COLEC12: variants seen among roughly 807,000 people sequenced by gnomAD.
The protein encoded by COLEC12 is collectin-12.
Under a neutral mutation model 71.1 loss-of-function variants are expected in COLEC12, and 33 were observed. That is an observed-to-expected ratio of 0.46 (90% CI 0.35 to 0.62). The LOEUF (loss-of-function observed/expected upper bound fraction) is 0.62. COLEC12 is among the 20% of genes least tolerant of loss of function. The pLI, the probability that COLEC12 is intolerant of heterozygous loss-of-function variation, is 0.00. For missense variants in COLEC12, 765 were observed against 916.1 expected, an observed-to-expected ratio of 0.84 and a Z score of 2.13; for synonymous variants, 350 against 353.0, an observed-to-expected ratio of 0.99 and a Z score of 0.10.
rs573333454 is a variant in COLEC12, at chr18:408,573, T to C, written c.59-51051A>G. Among the ~76,000 whole-genome samples, 2 of 150,244 alleles carry C rather than the reference T, an allele frequency of 1.3e-5. No homozygotes were observed. The highest frequency in any genetic ancestry group is 3.0e-5 in the Non-Finnish European group (2 of 67,684). On this transcript the variant is annotated intron_variant, in intron 2 of 9. Transcript: ENST00000400256. The surrounding 1 kb of genome is among the most constrained non-coding windows in gnomAD (Gnocchi z 4.3). The stretch of plus-strand genomic sequence containing the variant: ...CATAGCGGTCTCAAAGTTGAAATCC[T>C]CCAGGGAATTCAAGTATTACCAAAT...
chr18:434,591 C>T (rs1916367897), intron 2 of COLEC12, among the ~76,000 whole-genome samples: 1 of 152,222 alleles, frequency 6.6e-6, no homozygotes, highest in South Asian at 2.1e-4. Context: ...TCACTGTCCT[C>T]ATCAGCTCAG....
At chr18:405,791 A>G (rs111294010) in intron 2 of COLEC12, among the ~76,000 whole-genome samples, 5,274 of 152,006 alleles carry the variant, frequency 0.035, 151 homozygotes, top group African/African-American at 0.081. Flanking sequence ...GGTCATACCC[A>G]TGGGGCTTCT....
intron 5 of COLEC12, among the ~76,000 whole-genome samples, chr18:340,810 A>T (rs183049803): frequency 1.2e-3 from 187 of 152,372 alleles, no homozygotes; most frequent in Admixed American, 3.1e-3. Flanking sequence ...GGAAAAAGTC[A>T]TTGCGCTTCA....
At chr18:388,431 C>T (rs1333796397) in intron 2 of COLEC12, among the ~76,000 whole-genome samples, 1 of 152,206 alleles carries the variant, frequency 6.6e-6, no homozygotes, top group African/African-American at 2.4e-5. Flanking sequence ...ATTAACGTGG[C>T]ACCATGGTTA....
In COLEC12 at chr18:407,840, A is replaced by G. The variant is rs537878456; in HGVS notation, c.59-50318T>C. On this transcript the variant is annotated intron_variant, in intron 2 of 9. Coordinates refer to ENST00000400256, the MANE Select transcript of COLEC12 (RefSeq NM_130386.3). ...TGCAATGTATCAATCCTGGCTGCACATCAGAATCACTCAGGGACTTTAAAA... is the reference window on the plus strand; with the variant it reads ...TGCAATGTATCAATCCTGGCTGCACGTCAGAATCACTCAGGGACTTTAAAA... Among the ~76,000 whole-genome samples, 11 of 152,346 alleles carry G rather than the reference A, an allele frequency of 7.2e-5. No homozygotes were observed. In the South Asian group the frequency reaches 2.1e-3, roughly 29 times the overall value.
intron 8 of COLEC12, among the ~76,000 whole-genome samples, chr18:329,188 G>A (rs1164935530): frequency 1.3e-5 from 2 of 152,170 alleles, no homozygotes; most frequent in African/African-American, 4.8e-5. Context: ...CCAGGGAAGA[G>A]GAGAAAAATT....
intron 2 of COLEC12, among the ~76,000 whole-genome samples, chr18:425,275 C>T (rs532982982): frequency 6.6e-6 from 1 of 152,314 alleles, no homozygotes; most frequent in East Asian, 1.9e-4. Flanking sequence ...AGCCGGCCTA[C>T]TGGAAGCATC....
intron 2 of COLEC12, among the ~76,000 whole-genome samples, chr18:360,394 G>A (rs1026026663): frequency 6.6e-6 from 1 of 152,010 alleles, no homozygotes; most frequent in African/African-American, 2.4e-5. Flanking sequence ...TGTTGGCCAG[G>A]CTGGTCACAA....
chr18:353,950 T>C (rs915509233), intron 3 of COLEC12, among the ~76,000 whole-genome samples: 7 of 152,246 alleles, frequency 4.6e-5, no homozygotes, highest in Non-Finnish European at 1.0e-4. Context: ...TGTAAACTGC[T>C]ACACTGACCC....
intron 2 of COLEC12, among the ~76,000 whole-genome samples, chr18:405,290 G>A (rs1915763298): frequency 6.6e-6 from 1 of 152,126 alleles, no homozygotes; most frequent in African/African-American, 2.4e-5. Context: ...TTTGCCCTTT[G>A]TCCTGTTCCC....
chr18:427,017 G>T (rs1382437346), intron 2 of COLEC12, among the ~76,000 whole-genome samples: 1 of 152,230 alleles, frequency 6.6e-6, no homozygotes, highest in African/African-American at 2.4e-5. Context: ...CCTCTGGGAT[G>T]GCTGTGCGTG....
intron 3 of COLEC12, among the ~76,000 whole-genome samples, chr18:357,087 C>T (rs1053170335): frequency 1.4e-5 from 2 of 145,610 alleles, no homozygotes; most frequent in Non-Finnish European, 3.0e-5. Context: ...AGAGATAGGA[C>T]GAAAGAAAAA....
chr18:404,883 T>C (rs1450710700), intron 2 of COLEC12, among the ~76,000 whole-genome samples: 2 of 152,136 alleles, frequency 1.3e-5, no homozygotes, highest in African/African-American at 2.4e-5. Flanking sequence ...GCCTGCGGGG[T>C]TGGGCAAAAA....
At chr18:478,915 T>TCAGCAATTG (rs1224555190) in intron 2 of COLEC12, among the ~76,000 whole-genome samples, 1 of 123,000 alleles carries the variant, frequency 8.1e-6, no homozygotes, top group African/African-American at 3.6e-5. Context: ...CGCATAAATG[T>TCAGCAATTG]ACTTTTTTGT....
chr18:320,108 ATAAAGT>A, intron 9 of COLEC12, 44 bp from the exon 10 acceptor site: 3 of 1,162,042 alleles, frequency 2.6e-6, no homozygotes, highest in East Asian at 2.4e-5. Flanking sequence ...TTCTTAAATA[ATAAAGT>A]TAATGTGCAA....
In COLEC12 at chr18:408,263, C is replaced by T. The variant is rs1273742875; in HGVS notation, c.59-50741G>A. 2.6e-5 allele frequency among the ~76,000 whole-genome samples: 4 copies of T among 152,120 alleles called. No individual in the cohort carries two copies. The highest frequency in any genetic ancestry group is 7.2e-5 in the African/African-American group (3 of 41,414). ...CTAGGTACAATGATACCTGAGAAAA[C>T]GTTATTAAAAGGTCAGCACAGTGCC... is the stretch of plus-strand genomic sequence containing the variant. On this transcript the variant is annotated intron_variant, in intron 2 of 9. Coordinates refer to ENST00000400256, the MANE Select transcript of COLEC12 (RefSeq NM_130386.3). The surrounding 1 kb of genome is among the most constrained non-coding windows in gnomAD (Gnocchi z 4.3).
intron 2 of COLEC12, among the ~76,000 whole-genome samples, chr18:407,303 A>C (rs561522008): frequency 6.6e-6 from 1 of 152,342 alleles, no homozygotes; most frequent in South Asian, 2.1e-4. Context: ...GAGGAACAGA[A>C]CCAATAGGTA....
At chr18:371,809 C>A (rs1435617155) in intron 2 of COLEC12, among the ~76,000 whole-genome samples, 1 of 152,118 alleles carries the variant, frequency 6.6e-6, no homozygotes, top group Non-Finnish European at 1.5e-5. Context: ...CTAGAGAGGA[C>A]ACAAACTCTT....
At chr18:456,816 A>C (rs1297425038) in intron 2 of COLEC12, among the ~76,000 whole-genome samples, 3 of 152,196 alleles carry the variant, frequency 2.0e-5, no homozygotes. Flanking sequence ...CGAGGAGCAC[A>C]GGCTGTTTGG....
Sources: allele counts gnomAD v4.1 joint callset (sites outside exome capture counted in the v4.1 genomes callset), GRCh38; gene constraint gnomAD v4.1.1; non-coding constraint Gnocchi (gnomAD v3.1); transcripts MANE v1.5; gene names NCBI Gene and HGNC (gene_info 2026-07-23, HGNC 2026-07-21).